The following USP37 variants were observed in gnomAD, a reference collection of about 807,000 sequenced individuals.
The protein encoded by USP37 is ubiquitin specific peptidase 37.
USP37 carries 27 observed loss-of-function variants against 124.0 expected under a neutral mutation model. The ratio of observed to expected loss-of-function variants is 0.22; its 90% CI spans 0.16 to 0.30. USP37 has a LOEUF of 0.30. Among genes scored for constraint, USP37 ranks in the 10% least tolerant of loss-of-function variants. The pLI, the probability that USP37 is intolerant of heterozygous loss-of-function variation, is 1.00. For synonymous variants in USP37, 365 were observed against 388.0 expected, an observed-to-expected ratio of 0.94 and a Z score of 0.70; for missense variants, 889 against 1,140.4, an observed-to-expected ratio of 0.78 and a Z score of 3.17.
intron 23 of USP37, 105 bp downstream of exon 23, chr2:218,459,685 C>T (rs1417935503): frequency 3.5e-6 from 3 of 860,470 alleles, no homozygotes; most frequent in Non-Finnish European, 5.4e-6. Flanking sequence ...ACTGAAAGGG[C>T]CAAAATGAAC....
chr2:218,499,275 T>A (rs1388754873), intron 11 of USP37, among the ~76,000 whole-genome samples: 2 of 137,540 alleles, frequency 1.5e-5, no homozygotes, highest in Non-Finnish European at 3.1e-5. Flanking sequence ...CTATGTTTTT[T>A]AAAAAAACAA....
At chr2:218,543,988 A>G (rs1692154363) in intron 8 of USP37, among the ~76,000 whole-genome samples, 1 of 152,148 alleles carries the variant, frequency 6.6e-6, no homozygotes, top group Non-Finnish European at 1.5e-5. Context: ...AGTAACTTTG[A>G]TATTAATATT....
At chr2:218,545,136 A>G (rs1692249345) in intron 8 of USP37, among the ~76,000 whole-genome samples, 2 of 152,192 alleles carry the variant, frequency 1.3e-5, no homozygotes, top group Non-Finnish European at 2.9e-5. Context: ...GGGGCAAACT[A>G]AGGCAGACTA....
At position 218,510,122 on chromosome 2, in the gene USP37, C is replaced by T; in HGVS notation, c.882G>A (p.Gln294=). 1 of 1,610,474 alleles carries T rather than the reference C, an allele frequency of 6.2e-7. No homozygotes were observed. Among genetic ancestry groups the T allele is most frequent in the Admixed American group, 1.7e-5 (1 of 59,116 alleles). Reference sequence around the variant, plus strand: ...CCAAACTTCTTTTGGCAGAGGGAGTCTGGCTTGAAACATTAGTCCTACAAA... The same window carrying T: ...CCAAACTTCTTTTGGCAGAGGGAGTTTGGCTTGAAACATTAGTCCTACAAA... ...TNLDRTNVSS[Q]TPSAKRSLGF... is the part of the protein sequence containing the mutation. The change falls in exon 11 of 26, where the codon CAG becomes CAA. Residue 294 remains glutamine, a synonymous_variant. Transcript: ENST00000258399.
chr2:218,502,806 G>C (rs562842177), intron 11 of USP37, among the ~76,000 whole-genome samples: 1 of 152,192 alleles, frequency 6.6e-6, no homozygotes, highest in South Asian at 2.1e-4. Flanking sequence ...GAAACCCAAG[G>C]AAAGAAAGCA....
At chr2:218,496,016 G>C in intron 13 of USP37, 66 bp from the exon 14 acceptor site, 2 of 1,482,964 alleles carry the variant, frequency 1.3e-6, no homozygotes, top group African/African-American at 2.8e-5. Context: ...TACTGAGGCT[G>C]GGTGTTGTGC....
intron 17 of USP37, among the ~76,000 whole-genome samples, chr2:218,479,976 T>C (rs1233676381): frequency 2.0e-5 from 3 of 151,908 alleles, no homozygotes; most frequent in Non-Finnish European, 4.4e-5. Context: ...TGAAACCCTG[T>C]CTCTACTAAA....
intron 13 of USP37, among the ~76,000 whole-genome samples, chr2:218,496,297 GA>G (rs1337232188): frequency 1.4e-5 from 2 of 148,086 alleles, no homozygotes; most frequent in Non-Finnish European, 3.0e-5. Flanking sequence ...CGTCTCAAAA[GA>G]AAAGAAAAAA....
chr2:218,555,389 T>G (rs1361536313), intron 4 of USP37, among the ~76,000 whole-genome samples: 1 of 152,178 alleles, frequency 6.6e-6, no homozygotes, highest in African/African-American at 2.4e-5. Flanking sequence ...TATATATGTA[T>G]TTTTAGCATC....
At chr2:218,534,438 G>A (rs970412400) in intron 9 of USP37, among the ~76,000 whole-genome samples, 171 bp downstream of exon 9, 15 of 152,114 alleles carry the variant, frequency 9.9e-5, no homozygotes, top group Non-Finnish European at 1.5e-4. Context: ...GCAGTGAGCC[G>A]ATATTGTGCC....
At chr2:218,542,797 G>A (rs776393026) in intron 8 of USP37, among the ~76,000 whole-genome samples, 17 of 152,130 alleles carry the variant, frequency 1.1e-4, no homozygotes, top group Non-Finnish European at 1.6e-4. Flanking sequence ...TCTGTAAGCC[G>A]TTTAATACTT....
At chr2:218,492,094 G>A (rs557223254) in intron 14 of USP37, among the ~76,000 whole-genome samples, 4 of 152,222 alleles carry the variant, frequency 2.6e-5, no homozygotes, top group East Asian at 1.9e-4. Flanking sequence ...CCAGCTATTC[G>A]GGAGGCTGCG....
chr2:218,568,094 T>C (rs1693756029), intron 1 of USP37, 84 bp downstream of exon 1: 1 of 151,824 alleles, frequency 6.6e-6, no homozygotes, highest in African/African-American at 2.4e-5. Flanking sequence ...TCCAGAGGAG[T>C]GAACGCCGAG....
chr2:218,564,554 T>C (rs143788977), intron 1 of USP37, among the ~76,000 whole-genome samples: 192 of 152,336 alleles, frequency 1.3e-3, no homozygotes, highest in African/African-American at 4.1e-3. Flanking sequence ...ACAAATCCTT[T>C]ACATTGTAAC....
chr2:218,510,870 C>G (rs907495202), intron 10 of USP37, among the ~76,000 whole-genome samples: 1 of 152,006 alleles, frequency 6.6e-6, no homozygotes, highest in Non-Finnish European at 1.5e-5. Context: ...TGGGGAGGAC[C>G]TGTAGTCACA....
chr2:218,560,587 T>C (rs1196555208), intron 3 of USP37, among the ~76,000 whole-genome samples: 2 of 152,218 alleles, frequency 1.3e-5, no homozygotes, highest in Non-Finnish European at 2.9e-5. Flanking sequence ...CTAACTCAAC[T>C]ATCTATAGGG....
At chr2:218,532,567 C>T (rs961655475) in intron 9 of USP37, among the ~76,000 whole-genome samples, 1 of 152,104 alleles carries the variant, frequency 6.6e-6, no homozygotes. Flanking sequence ...AGACCCTCCA[C>T]CAGCAAAATG....
chr2:218,544,437 A>G lies in USP37; in HGVS notation c.680+1784T>C, dbSNP rs58368124. Among the ~76,000 whole-genome samples the G allele has an allele frequency of 4.1e-3, 521 of 125,642 alleles. 8 individuals are homozygous for G. Among genetic ancestry groups the G allele is most frequent in the African/African-American group, 0.014 (476 of 33,798 alleles). 82.4% of individuals were successfully genotyped at this position (125,642 alleles called of 152,430 possible). A position where few individuals can be genotyped will look rare whatever the true frequency, so the allele number is the denominator to read the frequency against. ...TATATATATATATATATATAGAGAG[A>G]GAGAGAGAGAGAGAGAGAGAGAGAC... is the stretch of plus-strand genomic sequence containing the variant. On this transcript the variant is annotated intron_variant, in intron 8 of 25. Transcript: ENST00000258399.
chr2:218,497,029 A>T (rs529690464), intron 13 of USP37, among the ~76,000 whole-genome samples: 1 of 152,128 alleles, frequency 6.6e-6, no homozygotes, highest in South Asian at 2.1e-4. Context: ...AACACACTAA[A>T]ATCATGTCAA....
Sources: allele counts gnomAD v4.1 joint callset (sites outside exome capture counted in the v4.1 genomes callset), GRCh38; gene constraint gnomAD v4.1.1; transcripts MANE v1.5; gene names NCBI Gene and HGNC (gene_info 2026-07-23, HGNC 2026-07-21).